AKT3: variants seen among roughly 807,000 people sequenced by gnomAD.
AKT3 encodes RAC-gamma serine/threonine-protein kinase.
A neutral mutation model predicts 65.3 loss-of-function variants in AKT3; 15 were observed. The observed-to-expected ratio is 0.23, with a 90% CI of 0.15 to 0.35. The LOEUF (loss-of-function observed/expected upper bound fraction) is 0.35, where lower values mean the gene tolerates loss of function less well. Ranked by LOEUF, AKT3 falls within the 10% of genes least tolerant of loss-of-function variation. The probability of loss-of-function intolerance (pLI) is 1.00; values close to 1 mark genes in which losing one functional copy is unlikely to be tolerated. For synonymous variants in AKT3, 206 were observed against 183.8 expected, an observed-to-expected ratio of 1.12 and a Z score of -0.98; for missense variants, 243 against 576.5, an observed-to-expected ratio of 0.42 and a Z score of 5.92.
At chr1:243,645,206 TAAATC>T (rs1680715500) in intron 5 of AKT3, among the ~76,000 whole-genome samples, 1 of 152,186 alleles carries the variant, frequency 6.6e-6, no homozygotes, top group Admixed American at 6.5e-5. Flanking sequence ...TACAACCTAT[TAAATC>T]AAACATATTC....
intron 1 of AKT3, among the ~76,000 whole-genome samples, chr1:243,846,210 C>T (rs1052535606): frequency 2.6e-5 from 4 of 152,160 alleles, no homozygotes; most frequent in Non-Finnish European, 5.9e-5. Context: ...ATACTGTCCT[C>T]CTTCCCCTCC....
intron 3 of AKT3, among the ~76,000 whole-genome samples, chr1:243,686,490 G>A (rs1422464575): frequency 6.6e-6 from 1 of 151,220 alleles, no homozygotes; most frequent in Non-Finnish European, 1.5e-5. Flanking sequence ...AGAAAGCTCA[G>A]TAAAGTGGTT....
At chr1:243,846,933 T>C (rs372278967) in intron 1 of AKT3, among the ~76,000 whole-genome samples, 4 of 152,166 alleles carry the variant, frequency 2.6e-5, no homozygotes, top group African/African-American at 9.6e-5. Context: ...GTAAAGCACA[T>C]AGAACAGTGC....
At chr1:243,676,264 A>C (rs1683502367) in intron 3 of AKT3, among the ~76,000 whole-genome samples, 1 of 152,232 alleles carries the variant, frequency 6.6e-6, no homozygotes, top group African/African-American at 2.4e-5. Context: ...ACACAGAATG[A>C]ACATTAAGTG....
chr1:243,663,678 T>C (rs1265846558), intron 4 of AKT3, among the ~76,000 whole-genome samples: 1 of 152,254 alleles, frequency 6.6e-6, no homozygotes, highest in African/African-American at 2.4e-5. Flanking sequence ...AATAATACTT[T>C]ACCATTTTGC....
intron 3 of AKT3, among the ~76,000 whole-genome samples, chr1:243,675,542 T>C (rs1224452931): frequency 6.6e-6 from 1 of 152,228 alleles, no homozygotes; most frequent in African/African-American, 2.4e-5. Context: ...ATGCTGCTCC[T>C]CTTCCCGCTA....
intron 8 of AKT3, among the ~76,000 whole-genome samples, chr1:243,610,485 A>T (rs1440730021): frequency 6.6e-6 from 1 of 152,228 alleles, no homozygotes; most frequent in Non-Finnish European, 1.5e-5. Context: ...AATACCGTTT[A>T]AAAAAGAGAG....
At chr1:243,789,412 T>TA (rs1414509410) in intron 2 of AKT3, among the ~76,000 whole-genome samples, 1 of 152,162 alleles carries the variant, frequency 6.6e-6, no homozygotes, top group Non-Finnish European at 1.5e-5. Context: ...AATAAACAGA[T>TA]AAAAAACAGC....
At position 243,566,391 on chromosome 1, in the gene AKT3, G is replaced by A. The variant is rs776788953; in HGVS notation, c.820-2543C>T. Among the ~76,000 whole-genome samples, 29 of 152,202 alleles carry A rather than the reference G, an allele frequency of 1.9e-4. 1 individual carries two copies. Among genetic ancestry groups the A allele is most frequent in the Non-Finnish European group, 3.7e-4 (25 of 68,022 alleles). On this transcript the variant is annotated intron_variant, in intron 9 of 13. Transcript: ENST00000673466. ...GGTTTCAAAGAATGCAGGACGTGTAGTGCTACAACTGGGCAGTCCTGGGCA... is the reference window on the plus strand; with the variant it reads ...GGTTTCAAAGAATGCAGGACGTGTAATGCTACAACTGGGCAGTCCTGGGCA...
chr1:243,706,277 G>A (rs373521613), intron 2 of AKT3, among the ~76,000 whole-genome samples: 15 of 152,246 alleles, frequency 9.9e-5, no homozygotes, highest in South Asian at 4.2e-4. Flanking sequence ...ACACAACCTC[G>A]TATGGTTCAA....
chr1:243,816,168 G>A (rs1693508063), intron 2 of AKT3, among the ~76,000 whole-genome samples: 1 of 152,020 alleles, frequency 6.6e-6, no homozygotes, highest in African/African-American at 2.4e-5. Flanking sequence ...TTCCATTTCT[G>A]GTGGGAATAG....
chr1:243,721,143 C>T (rs542536804), intron 2 of AKT3, among the ~76,000 whole-genome samples: 1 of 152,250 alleles, frequency 6.6e-6, no homozygotes, highest in South Asian at 2.1e-4. Context: ...ATAAAAACTA[C>T]AATTACTACT....
intron 2 of AKT3, among the ~76,000 whole-genome samples, chr1:243,810,015 T>G (rs1209291373): frequency 4.6e-5 from 7 of 152,190 alleles, no homozygotes; most frequent in Non-Finnish European, 1.0e-4. Context: ...CCAGAATCTC[T>G]GGGACACATT....
chr1:243,506,407 A>G (rs759108785), intron 13 of AKT3, among the ~76,000 whole-genome samples: 1 of 152,322 alleles, frequency 6.6e-6, no homozygotes, highest in African/African-American at 2.4e-5. Flanking sequence ...ATTTTTTTGA[A>G]TATTCTAACC....
chr1:243,747,287 A>G lies in AKT3; in HGVS notation c.47-51571T>C, dbSNP rs566417392. 2.4e-3 allele frequency among the ~76,000 whole-genome samples: 360 copies of G among 152,340 alleles called. 2 individuals are homozygous for G. Among genetic ancestry groups the G allele is most frequent in the African/African-American group, 8.5e-3 (353 of 41,580 alleles). ...TGAACACTTTTTCCAAGAACAAACA[A>G]AAATGTCAGAAGTTTCATTTTGAAA... On this transcript the variant is annotated intron_variant, in intron 2 of 13. Transcript: ENST00000673466.
At chr1:243,790,816 A>G (rs1691585706) in intron 2 of AKT3, among the ~76,000 whole-genome samples, 1 of 152,154 alleles carries the variant, frequency 6.6e-6, no homozygotes, top group African/African-American at 2.4e-5. Flanking sequence ...GTTGTGTCTC[A>G]GGAGTGAGAG....
intron 4 of AKT3, among the ~76,000 whole-genome samples, chr1:243,652,518 C>A (rs771457728): frequency 2.0e-5 from 3 of 152,026 alleles, no homozygotes; most frequent in Non-Finnish European, 2.9e-5. Context: ...AGACCATCAA[C>A]ACTATGAAGA....
At chr1:243,807,237 T>C (rs928249214) in intron 2 of AKT3, among the ~76,000 whole-genome samples, 1 of 152,114 alleles carries the variant, frequency 6.6e-6, no homozygotes, top group Non-Finnish European at 1.5e-5. Context: ...GGGTGAGGCA[T>C]CACCTCACCC....
chr1:243,774,748 T>C (rs752190823), intron 2 of AKT3, among the ~76,000 whole-genome samples: 6 of 152,228 alleles, frequency 3.9e-5, no homozygotes, highest in Non-Finnish European at 7.3e-5. Context: ...GATGGCATGA[T>C]AGCTCTGCCA....
Sources: gnomAD v4.1 joint callset for allele counts (sites outside exome capture counted in the v4.1 genomes callset) on GRCh38, gnomAD v4.1.1 for gene constraint, MANE v1.5 for transcripts, NCBI Gene and HGNC (gene_info 2026-07-23, HGNC 2026-07-21) for gene names.